The following PEX14 variants were observed in gnomAD, a reference collection of about 807,000 sequenced individuals.
PEX14 encodes peroxisomal membrane protein PEX14.
PEX14 carries 15 observed loss-of-function variants against 49.5 expected under a neutral mutation model. The ratio of observed to expected loss-of-function variants is 0.30; its 90% CI spans 0.20 to 0.47. PEX14 has a LOEUF of 0.47. PEX14 is among the 20% of genes least tolerant of loss of function. The pLI, the probability that PEX14 is intolerant of heterozygous loss-of-function variation, is 1.00. For missense variants in PEX14, 398 were observed against 494.8 expected (o/e 0.80, Z 1.86); for synonymous variants, 210 against 212.7 (o/e 0.99, Z 0.11).
intron 3 of PEX14, among the ~76,000 whole-genome samples, chr1:10,545,779 C>T (rs567508550): frequency 6.6e-6 from 1 of 152,282 alleles, no homozygotes; most frequent in Non-Finnish European, 1.5e-5. Context: ...TGCGGTGGCT[C>T]AAGCCTGTAA....
intron 4 of PEX14, among the ~76,000 whole-genome samples, chr1:10,609,549 C>T (rs1641217932): frequency 6.6e-6 from 1 of 152,186 alleles, no homozygotes; most frequent in Admixed American, 6.5e-5. Context: ...CTGTTAACCA[C>T]CAATCTCTGC....
In PEX14 at chr1:10,558,736, C is replaced by CAA. The variant is rs34343338; in HGVS notation, c.169+22458_169+22459dup. On this transcript the variant is annotated intron_variant, in intron 3 of 8. Transcript: ENST00000356607. ...TGGGCGACAGAATGAGACCCTGTCTCAAAAAAAAAAAAAAAAAAAAGAAAG... is the reference window on the plus strand; with the variant it reads ...TGGGCGACAGAATGAGACCCTGTCTCAAAAAAAAAAAAAAAAAAAAAAGAAAG... Among the ~76,000 whole-genome samples, 387 of 113,444 alleles carry CAA rather than the reference C, an allele frequency of 3.4e-3. 3 individuals carry two copies. Among genetic ancestry groups the CAA allele is most frequent in the African/African-American group, 0.011 (353 of 32,014 alleles). 74.4% of individuals were successfully genotyped at this position (113,444 alleles called of 152,430 possible).
intron 3 of PEX14, among the ~76,000 whole-genome samples, chr1:10,546,044 CAAAAA>C (rs560625399): frequency 6.7e-6 from 1 of 148,226 alleles, no homozygotes; most frequent in Non-Finnish European, 1.5e-5. Flanking sequence ...GACACTGTCT[CAAAAA>C]AAAAGATTGA....
At chr1:10,624,316 G>A (rs776139694) in intron 6 of PEX14, 24 bp from the exon 7 acceptor site, 77 of 1,508,456 alleles carry the variant, frequency 5.1e-5, no homozygotes, top group Middle Eastern at 3.4e-4. Context: ...ATTTGCCAGC[G>A]CCGTGACTGC....
chr1:10,543,491 G>GA (rs1253369329), intron 3 of PEX14, among the ~76,000 whole-genome samples: 1 of 152,176 alleles, frequency 6.6e-6, no homozygotes. Context: ...AAAAGAGCAG[G>GA]AAGGCCTTCG....
rs762668941 is a variant in PEX14, at chr1:10,539,976, G to A, written c.169+3679G>A. 1.3e-5 allele frequency among the ~76,000 whole-genome samples: 2 copies of A among 152,186 alleles called. No individual in the cohort carries two copies. Among genetic ancestry groups the A allele is most frequent in the Admixed American group, 6.5e-5 (1 of 15,284 alleles). ...TGTATAACCCTGCATAGTGGGGCCT[G>A]GGTGCTGTTGGCTCACACTTACTGT... On this transcript the variant is annotated intron_variant, in intron 3 of 8. Coordinates refer to ENST00000356607, the MANE Select transcript of PEX14 (RefSeq NM_004565.3). The surrounding 1 kb of genome is among the most constrained non-coding windows in gnomAD (Gnocchi z 4.6).
At chr1:10,527,982 T>C (rs1396935599) in intron 2 of PEX14, among the ~76,000 whole-genome samples, 2 of 152,206 alleles carry the variant, frequency 1.3e-5, no homozygotes, top group Admixed American at 6.5e-5. Context: ...AGAAGTGCCT[T>C]TTAAAGACTC....
intron 2 of PEX14, chr1:10,535,790 TGTGC>T: frequency 3.0e-6 from 1 of 332,430 alleles, no homozygotes; most frequent in African/African-American, 2.1e-5. Flanking sequence ...TGTGTGTGTG[TGTGC>T]GTGTGTACGT....
intron 2 of PEX14, among the ~76,000 whole-genome samples, chr1:10,525,317 G>A (rs1638439520): frequency 6.7e-6 from 1 of 148,234 alleles, no homozygotes; most frequent in Non-Finnish European, 1.5e-5. Flanking sequence ...TCTGAAAGAT[G>A]TGTAAAAAAA....
At position 10,514,156 on chromosome 1, in the gene PEX14, C is replaced by CTGTGTGTGTGTG. The variant is rs56306413; in HGVS notation, c.84+18867_84+18878dup. 7.7e-5 allele frequency among the ~76,000 whole-genome samples: 11 copies of CTGTGTGTGTGTG among 143,264 alleles called. No homozygotes were observed. The East Asian group carries it at 8.3e-4, about 11-fold the overall frequency. 94.0% of individuals were successfully genotyped at this position (143,264 alleles called of 152,430 possible). ...AAAATGTATAAAATAATCTATGCCT[C>CTGTGTGTGTGTG]TGTGTGTGTGTGTGTGTGTGTGTGT... is the stretch of plus-strand genomic sequence containing the variant. On this transcript the variant is annotated intron_variant, in intron 2 of 8. Transcript: ENST00000356607. The surrounding 1 kb of genome is among the most constrained non-coding windows in gnomAD (Gnocchi z 4.4).
At chr1:10,503,131 A>G (rs1267256552) in intron 2 of PEX14, among the ~76,000 whole-genome samples, 1 of 151,734 alleles carries the variant, frequency 6.6e-6, no homozygotes, top group Non-Finnish European at 1.5e-5. Flanking sequence ...TATCCCTGGC[A>G]TCATTCTTTC....
At chr1:10,548,491 T>C (rs1418181629) in intron 3 of PEX14, among the ~76,000 whole-genome samples, 1 of 152,230 alleles carries the variant, frequency 6.6e-6, no homozygotes, top group Non-Finnish European at 1.5e-5. Flanking sequence ...AAAATAACTT[T>C]GGATAGTATT....
chr1:10,519,425 A>C (rs1642027745), intron 2 of PEX14, among the ~76,000 whole-genome samples: 1 of 152,146 alleles, frequency 6.6e-6, no homozygotes, highest in East Asian at 1.9e-4. Flanking sequence ...CTGGCTTGAA[A>C]GCACCTGGCG....
At chr1:10,542,983 C>T (rs1163471242) in intron 3 of PEX14, among the ~76,000 whole-genome samples, 2 of 152,078 alleles carry the variant, frequency 1.3e-5, no homozygotes. Flanking sequence ...GATTATGTTT[C>T]ATAGTAAAGA....
At chr1:10,587,991 C>T (rs529643708) in intron 3 of PEX14, among the ~76,000 whole-genome samples, 10 of 144,192 alleles carry the variant, frequency 6.9e-5, no homozygotes, top group South Asian at 2.3e-4. Context: ...TTTGGGAGGC[C>T]GAGCGAGTAG....
At chr1:10,626,607 G>A (rs1349962647) in intron 7 of PEX14, among the ~76,000 whole-genome samples, 3 of 152,330 alleles carry the variant, frequency 2.0e-5, no homozygotes, top group Admixed American at 6.5e-5. Context: ...TGCCCACCTC[G>A]GGGGAGCAGT....
At chr1:10,500,347 C>T (rs1311030492) in intron 2 of PEX14, among the ~76,000 whole-genome samples, 1 of 124,466 alleles carries the variant, frequency 8.0e-6, no homozygotes, top group Non-Finnish European at 1.6e-5. Flanking sequence ...GCCCTGCAGC[C>T]TGGGCGACAG....
At chr1:10,612,202 T>C (rs953324667) in intron 4 of PEX14, among the ~76,000 whole-genome samples, 2 of 152,206 alleles carry the variant, frequency 1.3e-5, no homozygotes, top group Non-Finnish European at 2.9e-5. Flanking sequence ...CATTTTTTTT[T>C]CCTATGGATA....
Position 10,627,346 on chromosome 1 carries a change from A to G in PEX14, c.660A>G (p.Lys220=). The G allele has an allele frequency of 6.2e-7, 1 of 1,610,862 alleles. No homozygotes were observed. The highest frequency in any genetic ancestry group is 2.2e-5 in the East Asian group (1 of 44,874). The change falls in exon 8 of 9, where the codon AAA becomes AAG. Residue 220 remains lysine, a synonymous_variant. Transcript: ENST00000356607. ...TCAAGTCCGAAATTAACTCCTTGAA[A>G]GGGCTTCTTTTAAATCGGTAGGAGG... The part of the protein sequence containing the change: ...NELKSEINSL[K]GLLLNRRQFP...
Sources: gnomAD v4.1 joint callset for allele counts (sites outside exome capture counted in the v4.1 genomes callset) on GRCh38, gnomAD v4.1.1 for gene constraint, Gnocchi (gnomAD v3.1) non-coding constraint, MANE v1.5 for transcripts, NCBI Gene and HGNC (gene_info 2026-07-23, HGNC 2026-07-21) for gene names.